PCNX3: variants seen among roughly 807,000 people sequenced by gnomAD.
PCNX3 encodes pecanex-like protein 3.
PCNX3 carries 58 observed loss-of-function variants against 207.2 expected under a neutral mutation model. The observed-to-expected ratio is 0.28, with a 90% CI of 0.23 to 0.35. The LOEUF is 0.35. Ranked by LOEUF, PCNX3 falls within the 10% of genes least tolerant of loss-of-function variation. The probability of loss-of-function intolerance (pLI) is 1.00; values close to 1 mark genes in which losing one functional copy is unlikely to be tolerated. For synonymous variants in PCNX3, 1,337 were observed against 1,183.5 expected (o/e 1.13, Z -2.66); for missense variants, 2,410 against 2,774.4 (o/e 0.87, Z 2.95).
At chr11:65,624,061 C>G in intron 13 of PCNX3, 100 bp downstream of exon 13, 1 of 1,575,722 alleles carries the variant, frequency 6.3e-7, no homozygotes, top group African/African-American at 1.3e-5. Context: ...GGCTCCCTCA[C>G]CACCCCCATC....
rs1855321841 is a variant in PCNX3 at position 65,625,246 on chromosome 11, C to T, written c.2995C>T (p.Leu999=). The change falls in exon 17 of 35, where the codon CTG becomes TTG. Residue 999 remains leucine (L), a synonymous_variant. Transcript: ENST00000355703. The surrounding 1 kb of genome is among the most constrained non-coding windows in gnomAD (Gnocchi z 5.6). ...CCTCCTGGTGGCACTGTCCTACCAC[C>T]TGAGCCGGCAGAGCAGCGACCCCAC... The part of the protein sequence containing the change: ...CGLLVALSYH[L]SRQSSDPTVL... 6.2e-7 allele frequency: 1 copy of T among 1,611,072 alleles called. No homozygotes were observed. The highest frequency in any genetic ancestry group is 8.5e-7 in the Non-Finnish European group (1 of 1,179,566).
In PCNX3 at chr11:65,618,057, T is replaced by G. The variant is rs551856817; in HGVS notation, c.695T>G (p.Met232Arg). The G allele has an allele frequency of 6.2e-7, 1 of 1,606,950 alleles. No individual in the cohort carries two copies. Among genetic ancestry groups the G allele is most frequent in the East Asian group, 2.2e-5 (1 of 44,646 alleles). ...GDGAPWSGSS[M>R]ADTPMSPLLK... The stretch of plus-strand genomic sequence containing the variant: ...GGAGCGCCCTGGAGTGGGAGCAGCA[T>G]GGCTGACACTCCCATGAGCCCCCTG... Residue 232 changes from methionine to arginine, a missense_variant, in exon 6 of 35, where the codon ATG becomes AGG. Met to Arg is a moderately conservative substitution (Grantham distance 91). Transcript: ENST00000355703.
chr11:65,628,180 T>C lies in PCNX3; in HGVS notation c.3703-415T>C, dbSNP rs578240060. ...GGCCCAGGATGGCGGTCATCCACAC[T>C]GCGTACCCTCTGAGGGCAGGGCCTG... is the stretch of plus-strand genomic sequence containing the variant. On this transcript the variant is annotated intron_variant, in intron 22 of 34. Transcript: ENST00000355703. 3.3e-5 allele frequency among the ~76,000 whole-genome samples: 5 copies of C among 152,352 alleles called. No homozygotes were observed. The East Asian group carries it at 9.6e-4, about 29-fold the overall frequency.
At chr11:65,626,491 G>A in intron 20 of PCNX3, 1 of 395,094 alleles carries the variant, frequency 2.5e-6, no homozygotes. Flanking sequence ...TGTTTCTTGA[G>A]TTTTTCTTAA....
chr11:65,629,193 C>T (rs998356492), intron 24 of PCNX3, among the ~76,000 whole-genome samples, 164 bp from the exon 25 acceptor site: 5 of 152,164 alleles, frequency 3.3e-5, no homozygotes, highest in African/African-American at 7.2e-5. Context: ...GGCTGTGTGT[C>T]CTGTGTGAGT....
chr11:65,619,953 G>C (rs1209571912), intron 8 of PCNX3, 21 bp downstream of exon 8: 1 of 1,583,238 alleles, frequency 6.3e-7, no homozygotes, highest in Non-Finnish European at 8.6e-7. Context: ...CCCAAGCCCG[G>C]TGGCCCAGTG....
At chr11:65,628,025 T>TG (rs1370402788) in intron 22 of PCNX3, among the ~76,000 whole-genome samples, 2 of 152,060 alleles carry the variant, frequency 1.3e-5, no homozygotes, top group Non-Finnish European at 2.9e-5. Context: ...TGCCACGGCT[T>TG]GGGGGGCTCT....
Position 65,627,516 on chromosome 11 carries a change from T to C in PCNX3, c.3636T>C (p.Phe1212=), listed in dbSNP as rs747426395. 1.2e-6 allele frequency: 2 copies of C among 1,613,852 alleles called. No homozygotes were observed. The highest frequency in any genetic ancestry group is 1.3e-5 in the African/African-American group (1 of 75,010). Residue 1212 remains phenylalanine, a synonymous_variant, in exon 22 of 35, where the codon TTT becomes TTC. Transcript: ENST00000355703. ...CCTTCACCGTCCTGCTCTTCCACTT[T>C]GACTACCCGCGCCTCTCCCAGGGCT... The part of the protein sequence containing the change: ...TLAFTVLLFH[F]DYPRLSQGFL...
chr11:65,627,113 G>C (rs1391747889), intron 21 of PCNX3, 65 bp downstream of exon 21: 2 of 1,445,524 alleles, frequency 1.4e-6, no homozygotes, highest in Non-Finnish European at 1.8e-6. Context: ...TGGGGAAACT[G>C]AGGCCTAGAG....
chr11:65,636,744 C>T, intron 34 of PCNX3, 22 bp from the exon 35 acceptor site: 3 of 1,546,896 alleles, frequency 1.9e-6, no homozygotes, highest in Non-Finnish European at 2.6e-6. Context: ...GCTCACCCGC[C>T]AACCTCTCCC....
At chr11:65,622,745 G>A (rs569771551) in intron 11 of PCNX3, among the ~76,000 whole-genome samples, 96 of 151,858 alleles carry the variant, frequency 6.3e-4, no homozygotes, top group African/African-American at 1.8e-3. Context: ...ACAGGTGCCC[G>A]CCACCACACC....
Position 65,627,547 on chromosome 11 carries a change from C to T in PCNX3, c.3667C>T (p.Leu1223Phe). Residue 1223 changes from leucine to phenylalanine, a missense_variant, in exon 22 of 35, where the codon CTT becomes TTT. This residue lies in a region of PCNX3 where 333 missense variants were observed against 386.8 expected (regional missense o/e 0.86). Transcript: ENST00000355703. Reference protein sequence around the residue: ...DYPRLSQGFLLDYFLMSLLCS... With the variant: ...DYPRLSQGFLFDYFLMSLLCS... Reference sequence around the variant, plus strand: ...CCCGCGCCTCTCCCAGGGCTTTCTGCTTGACTACTTCCTCATGTCCCTGCT... The same window carrying T: ...CCCGCGCCTCTCCCAGGGCTTTCTGTTTGACTACTTCCTCATGTCCCTGCT... The T allele has an allele frequency of 6.2e-7, 1 of 1,613,854 alleles. No homozygotes were observed. The highest frequency in any genetic ancestry group is 8.5e-7 in the Non-Finnish European group (1 of 1,179,872).
chr11:65,626,132 C>G (rs777874908), intron 20 of PCNX3, 78 bp downstream of exon 20: 1 of 1,532,640 alleles, frequency 6.5e-7, no homozygotes, highest in Non-Finnish European at 8.8e-7. Flanking sequence ...GTGGTCCTCT[C>G]GGCTCAGGAG....
intron 29 of PCNX3, 21 bp downstream of exon 29, chr11:65,634,662 C>T (rs767869299): frequency 1.6e-5 from 24 of 1,545,404 alleles, no homozygotes; most frequent in African/African-American, 5.4e-5. Flanking sequence ...GGGTGTCCCG[C>T]GGGGCCTACT....
chr11:65,616,835 C>G lies in PCNX3; in HGVS notation c.165C>G (p.Pro55=), dbSNP rs747933280. ...FPFLLYMVLP[P]SLMVAGVYCL... ...ACTTTCATCTTCAGGTCCTGCCTCC[C>G]AGCTTGATGGTGGCCGGCGTGTACT... The change falls in exon 2 of 35, where the codon CCC becomes CCG. Residue 55 remains proline (P), a synonymous_variant. Transcript: ENST00000355703. 1 of 1,611,656 alleles carries G rather than the reference C, an allele frequency of 6.2e-7. No homozygotes were observed. Among genetic ancestry groups the G allele is most frequent in the Admixed American group, 1.7e-5 (1 of 59,952 alleles).
In PCNX3 at chr11:65,618,826, C is replaced by A; in HGVS notation, c.1464C>A (p.Thr488=). ...TAVPPKRPYG[T]QRTPSTASAK... is the part of the protein sequence containing the mutation. Reference sequence around the variant, plus strand: ...TGCCCCCCAAGCGGCCATATGGGACCCAGCGGACGCCTAGTACCGCCAGCG... The same window carrying A: ...TGCCCCCCAAGCGGCCATATGGGACACAGCGGACGCCTAGTACCGCCAGCG... The change falls in exon 6 of 35, where the codon ACC becomes ACA. Residue 488 remains threonine, a synonymous_variant. Transcript: ENST00000355703. 1 of 1,611,348 alleles carries A rather than the reference C, an allele frequency of 6.2e-7. No individual in the cohort carries two copies. Among genetic ancestry groups the A allele is most frequent in the Non-Finnish European group, 8.5e-7 (1 of 1,179,310 alleles).
intron 22 of PCNX3, among the ~76,000 whole-genome samples, chr11:65,628,290 T>A (rs1311360036): frequency 6.6e-6 from 1 of 152,220 alleles, no homozygotes; most frequent in East Asian, 1.9e-4. Flanking sequence ...TCATTTATCT[T>A]CTCTGTCTTC....
Position 65,618,912 on chromosome 11 carries a change from C to T in PCNX3, c.1550C>T (p.Pro517Leu), listed in dbSNP as rs200571408. The T allele has an allele frequency of 6.2e-7, 1 of 1,608,570 alleles. No individual in the cohort carries two copies. The highest frequency in any genetic ancestry group is 8.5e-7 in the Non-Finnish European group (1 of 1,178,438). ...GCTGGGGGTGATGTTCTGAGGCCCC[C>T]ACTGGCTGGCTGCAAGGCAGAGCTG... ...DGAGGDVLRP[P>L]LAGCKAELEA... Residue 517 changes from proline to leucine, a missense_variant, in exon 6 of 35, where the codon CCA (proline) becomes CTA (leucine). Pro to Leu is a moderately conservative substitution (Grantham distance 98). Around this residue, in one of 8 missense-constraint regions of PCNX3, gnomAD observed 1,104 missense variants for 970.3 expected, o/e 1.14. Transcript: ENST00000355703.
rs1239199033 is a variant in PCNX3, at chr11:65,625,595, TGGGCAGCTGAGTGTCTCTCCTGGCC to T, written c.3136-46_3136-22del. 14 of 1,595,642 alleles carry T rather than the reference TGGGCAGCTGAGTGTCTCTCCTGGCC, an allele frequency of 8.8e-6. No homozygotes were observed. Among genetic ancestry groups the T allele is most frequent in the Admixed American group, 3.4e-5 (2 of 58,050 alleles). ...GAGGGGCATGTCCAGCTTGGGCTGC[TGGGCAGCTGAGTGTCTCTCCTGGCC>T]GGGCAGCTGAATGTCTCTCCTGGCC... On this transcript the variant is annotated intron_variant, in intron 18 of 34. Transcript: ENST00000355703. This position sits in a 1 kb window ranked among gnomAD's most constrained non-coding sequence, Gnocchi z 5.6.
Sources: gnomAD v4.1 joint callset for allele counts (sites outside exome capture counted in the v4.1 genomes callset) on GRCh38, gnomAD v4.1.1 for gene constraint, gnomAD v4.1.1 regional missense constraint, Gnocchi (gnomAD v3.1) non-coding constraint, MANE v1.5 for transcripts, NCBI Gene and HGNC (gene_info 2026-07-23, HGNC 2026-07-21) for gene names.